Variants in NRG3 observed in about 807,000 individuals in gnomAD.
The protein encoded by NRG3 is neuregulin 3.
A neutral mutation model predicts 66.9 loss-of-function variants in NRG3; 31 were observed. The ratio of observed to expected loss-of-function variants is 0.46; its 90% CI spans 0.35 to 0.63. The LOEUF is 0.63. NRG3 is among the 20% of genes least tolerant of loss of function. NRG3 has a pLI of 0.00. For synonymous variants in NRG3, 393 were observed against 359.4 expected (o/e 1.09, Z -1.06); for missense variants, 910 against 878.9 (o/e 1.04, Z -0.45).
At chr10:82,765,587 G>A (rs887156892) in intron 3 of NRG3, among the ~76,000 whole-genome samples, 2 of 151,998 alleles carry the variant, frequency 1.3e-5, no homozygotes, top group African/African-American at 2.4e-5. Flanking sequence ...ACCAAAGGTA[G>A]GAATATAGGA....
At chr10:82,535,786 G>A (rs1056749172) in intron 2 of NRG3, among the ~76,000 whole-genome samples, 1 of 152,104 alleles carries the variant, frequency 6.6e-6, no homozygotes, top group African/African-American at 2.4e-5. Context: ...CATACTGCTT[G>A]ATACAAGTTG....
At position 82,369,677 on chromosome 10, in the gene NRG3, C is replaced by G. The variant is rs1483320633; in HGVS notation, c.953+10809C>G. 5.8e-5 allele frequency among the ~76,000 whole-genome samples: 8 copies of G among 138,760 alleles called. 1 individual carries two copies. The South Asian group carries it at 1.7e-3, about 29-fold the overall frequency. 91.0% of individuals were successfully genotyped at this position (138,760 alleles called of 152,430 possible). On this transcript the variant is annotated intron_variant, in intron 2 of 8. Coordinates refer to ENST00000372141, the MANE Select transcript of NRG3 (RefSeq NM_001010848.4). ...AAAATAAGCATAATCCAAGGATGTTCCATGATGAGTATGACATATACTTGA... is the reference window on the plus strand; with the variant it reads ...AAAATAAGCATAATCCAAGGATGTTGCATGATGAGTATGACATATACTTGA...
intron 2 of NRG3, among the ~76,000 whole-genome samples, chr10:82,665,909 A>T (rs1458241485): frequency 2.1e-4 from 32 of 151,998 alleles, no homozygotes; most frequent in Admixed American, 2.1e-3. Context: ...GTTGCACAGG[A>T]TGAGTACAGT....
chr10:82,453,032 C>A (rs922968423), intron 2 of NRG3, among the ~76,000 whole-genome samples: 15 of 151,996 alleles, frequency 9.9e-5, no homozygotes, highest in African/African-American at 3.6e-4. Flanking sequence ...GAGTATGAAT[C>A]CTTAGTAGAC....
chr10:82,130,144 C>CT (rs938569962), intron 1 of NRG3, among the ~76,000 whole-genome samples: 58 of 149,910 alleles, frequency 3.9e-4, no homozygotes, highest in Admixed American at 8.0e-4. Context: ...ATCATATTTT[C>CT]TTTTTTTTTG....
chr10:82,499,421 A>G (rs1298027609), intron 2 of NRG3, among the ~76,000 whole-genome samples: 1 of 152,134 alleles, frequency 6.6e-6, no homozygotes, highest in East Asian at 1.9e-4. Flanking sequence ...AAAAATGATA[A>G]TTAGCAATCT....
intron 1 of NRG3, among the ~76,000 whole-genome samples, chr10:81,999,708 A>G (rs940933111): frequency 2.6e-5 from 4 of 152,336 alleles, no homozygotes; most frequent in East Asian, 3.9e-4. Flanking sequence ...ATGAGAATAA[A>G]ATGGAATAAA....
At chr10:82,499,291 A>G (rs1173829624) in intron 2 of NRG3, among the ~76,000 whole-genome samples, 2 of 152,172 alleles carry the variant, frequency 1.3e-5, no homozygotes, top group African/African-American at 4.8e-5. Flanking sequence ...GTACTTTCAA[A>G]GGGGAAATTG....
chr10:81,994,318 T>A (rs925803995), intron 1 of NRG3, among the ~76,000 whole-genome samples: 6 of 152,282 alleles, frequency 3.9e-5, no homozygotes, highest in Non-Finnish European at 8.8e-5. Context: ...TAATGAAGTT[T>A]TCTATTTATG....
At chr10:82,495,122 A>G (rs3919893) in intron 2 of NRG3, among the ~76,000 whole-genome samples, 96,514 of 151,544 alleles carry the variant, frequency 0.64, 32,515 homozygotes, top group South Asian at 0.79. Context: ...TGTATTTTTA[A>G]TAGAGATGGG....
intron 1 of NRG3, among the ~76,000 whole-genome samples, chr10:82,007,132 C>T (rs1188834605): frequency 1.3e-5 from 2 of 151,434 alleles, no homozygotes; most frequent in Admixed American, 1.3e-4. Flanking sequence ...TACATGTTTA[C>T]TATTAATAGA....
intron 1 of NRG3, among the ~76,000 whole-genome samples, chr10:82,109,819 G>A (rs1435728957): frequency 2.0e-5 from 3 of 152,034 alleles, no homozygotes; most frequent in African/African-American, 4.8e-5. Context: ...TCCCCATGCA[G>A]CAGGTGCAGA....
chr10:81,925,107 A>G (rs1369397455), intron 1 of NRG3, among the ~76,000 whole-genome samples: 2 of 152,162 alleles, frequency 1.3e-5, no homozygotes, highest in African/African-American at 4.8e-5. Flanking sequence ...GCTTCCCCAG[A>G]TAAATTACAG....
rs548222725 is a variant in NRG3 at position 82,075,949 on chromosome 10, A to G, written c.823+199786A>G. ...TGGAATGGGAGGAAAAAAAGTAAAC[A>G]TAGTTAAAAAAAAAAACGATCATTT... is the stretch of plus-strand genomic sequence containing the variant. On this transcript the variant is annotated intron_variant, in intron 1 of 8. Transcript: ENST00000372141. Among the ~76,000 whole-genome samples, 8 of 96,778 alleles carry G rather than the reference A, an allele frequency of 8.3e-5. No individual in the cohort carries two copies. In the South Asian group the frequency reaches 3.7e-3, roughly 45 times the overall value. 63.5% of individuals were successfully genotyped at this position (96,778 alleles called of 152,430 possible).
chr10:82,421,754 C>T (rs769903341), intron 2 of NRG3, among the ~76,000 whole-genome samples: 8 of 151,984 alleles, frequency 5.3e-5, no homozygotes, highest in Non-Finnish European at 1.2e-4. Context: ...AGAGCAAGCT[C>T]ATTCTAGTTC....
chr10:81,929,469 C>T (rs902968231), intron 1 of NRG3, among the ~76,000 whole-genome samples: 6 of 152,160 alleles, frequency 3.9e-5, no homozygotes, highest in Admixed American at 1.3e-4. Context: ...AAATACCCAG[C>T]GGCCGTTTTG....
chr10:82,519,180 A>G (rs1845967180), intron 2 of NRG3, among the ~76,000 whole-genome samples: 2 of 152,198 alleles, frequency 1.3e-5, no homozygotes, highest in South Asian at 4.1e-4. Context: ...TCCTCATCCC[A>G]TGCTCCTTGA....
intron 2 of NRG3, among the ~76,000 whole-genome samples, chr10:82,399,759 C>G (rs1482322831): frequency 1.3e-5 from 2 of 152,168 alleles, no homozygotes; most frequent in Admixed American, 6.6e-5. Context: ...CACAAATATG[C>G]AATCTATAAC....
rs1853460887 is a variant in NRG3 at position 82,986,758 on chromosome 10, T to TA, written c.*1154dup. The TA allele has an allele frequency of 6.6e-6, 1 of 152,212 alleles. No homozygotes were observed. Among genetic ancestry groups the TA allele is most frequent in the Non-Finnish European group, 1.5e-5 (1 of 68,038 alleles). The allele number at this position is 152,212 out of a possible 1,614,324, so 9.4% of individuals were successfully genotyped here. On this transcript the variant is annotated 3_prime_UTR_variant, in exon 9 of 9. Transcript: ENST00000372141. ...ATGTGTGTTTATTTTGAATCATGCC[T>TA]ACTTAAATTATTAATACAAGACAAT...
Sources: gnomAD v4.1 joint callset for allele counts (sites outside exome capture counted in the v4.1 genomes callset) on GRCh38, gnomAD v4.1.1 for gene constraint, MANE v1.5 for transcripts, NCBI Gene and HGNC (gene_info 2026-07-23, HGNC 2026-07-21) for gene names.